FZD8: variants seen among roughly 807,000 people sequenced by gnomAD.
The protein encoded by FZD8 is frizzled class receptor 8.
FZD8 carries 18 observed loss-of-function variants against 46.0 expected under a neutral mutation model. The ratio of observed to expected loss-of-function variants is 0.39; its 90% CI spans 0.27 to 0.58. The LOEUF (loss-of-function observed/expected upper bound fraction) is 0.58. FZD8 is among the 20% of genes least tolerant of loss of function. The pLI is 0.55. For synonymous variants in FZD8, 586 were observed against 467.9 expected, an observed-to-expected ratio of 1.25 and a Z score of -3.26; for missense variants, 785 against 983.4, an observed-to-expected ratio of 0.80 and a Z score of 2.70.
chr10:35,640,719 A>T lies in FZD8; in HGVS notation c.711T>A (p.Pro237=), dbSNP rs1229948235. The change falls in exon 1 of 1, where the codon CCT becomes CCA. Residue 237 remains proline, a synonymous_variant. Coordinates refer to ENST00000374694, the MANE Select transcript of FZD8 (RefSeq NM_031866.3). ...GGCGCTCGCTGGACACGCTCACCAT[A>T]GGCGCGCGGCACTGGCACCCGGGCT... ...PCEPGCQCRA[P]MVSVSSERHP... 1.4e-6 allele frequency: 2 copies of T among 1,437,908 alleles called. No individual in the cohort carries two copies. The highest frequency in any genetic ancestry group is 2.0e-5 in the Admixed American group (1 of 49,924). 89.1% of individuals were successfully genotyped at this position (1,437,908 alleles called of 1,614,324 possible). A position where few individuals can be genotyped will look rare whatever the true frequency, so the allele number is the denominator to read the frequency against.
Position 35,639,458 on chromosome 10 carries a change from G to GC in FZD8, c.1971dup (p.Pro658AlafsTer63). 9.4e-7 allele frequency: 1 copy of GC among 1,061,054 alleles called. No individual in the cohort carries two copies. The highest frequency in any genetic ancestry group is 1.1e-6 in the Non-Finnish European group (1 of 870,652). The allele number at this position is 1,061,054 out of a possible 1,614,324, so 65.7% of individuals were successfully genotyped here. ...TAGAGGGAGCCCCCGCCGCCGCCCG[G>GC]CCCCCCGCCGCCGCCGGGTCCCCCG... On this transcript the variant is annotated frameshift_variant, in exon 1 of 1. Transcript: ENST00000374694. LOFTEE classifies it high-confidence loss of function.
chr10:35,640,184 T>A lies in FZD8; in HGVS notation c.1246A>T (p.Ile416Phe). 6.2e-7 allele frequency: 1 copy of A among 1,613,162 alleles called. No individual in the cohort carries two copies. The highest frequency in any genetic ancestry group is 8.5e-7 in the Non-Finnish European group (1 of 1,179,846). ...GCCAGGAACCATGTGAGCGACAAGATCACCCACCAGATGGAGCTGGCCATG... is the reference window on the plus strand; with the variant it reads ...GCCAGGAACCATGTGAGCGACAAGAACACCCACCAGATGGAGCTGGCCATG... ...FGMASSIWWV[I>F]LSLTWFLAAG... The change falls in exon 1 of 1, where the codon ATC becomes TTC. Residue 416 changes from isoleucine to phenylalanine, a missense_variant. Ile to Phe is a conservative substitution (Grantham distance 21, BLOSUM62 0). Around this residue, in one of 5 missense-constraint regions of FZD8, gnomAD observed 147 missense variants for 242.5 expected, o/e 0.61. Transcript: ENST00000374694.
rs2135500774 is a variant in FZD8, at chr10:35,640,377, C to G, written c.1053G>C (p.Gly351=). ...SGGAPGAGGA[G]GAGGAAAGAG... ...CGCCCGCCGCCGCGCCGCCCGCGCC[C>G]CCAGCGCCCCCCGCGCCCGGCGCGC... The change falls in exon 1 of 1, where the codon GGG becomes GGC. Residue 351 remains glycine (G), a synonymous_variant. Coordinates refer to ENST00000374694, the MANE Select transcript of FZD8 (RefSeq NM_031866.3). The G allele has an allele frequency of 5.8e-6, 6 of 1,036,808 alleles. No homozygotes were observed. Among genetic ancestry groups the G allele is most frequent in the Non-Finnish European group, 7.0e-6 (6 of 853,824 alleles). The allele number at this position is 1,036,808 out of a possible 1,614,324, so 64.2% of individuals were successfully genotyped here.
Position 35,640,327 on chromosome 10 carries a change from C to G in FZD8, c.1103G>C (p.Gly368Ala). Residue 368 changes from glycine to alanine, a missense_variant, in exon 1 of 1, where the codon GGC (glycine) becomes GCC (alanine). By Grantham distance (60) the Gly-to-Ala change is moderately conservative. Around this residue, in one of 5 missense-constraint regions of FZD8, gnomAD observed 88 missense variants for 83.6 expected, o/e 1.05. Transcript: ENST00000374694. ...GTACTCGCCGCGCCCGCCCGGGCCG[C>G]CCGCGCCCGCGCCCGCCGCGCCCGC... is the stretch of plus-strand genomic sequence containing the variant. ...AGAGAAGAGAGGPGGRGEYEE... is the reference protein window; with the variant it reads ...AGAGAAGAGAAGPGGRGEYEE... The G allele has an allele frequency of 2.9e-6, 3 of 1,026,318 alleles. No homozygotes were observed. Among genetic ancestry groups the G allele is most frequent in the Non-Finnish European group, 3.5e-6 (3 of 853,448 alleles). The allele number at this position is 1,026,318 out of a possible 1,614,324, so 63.6% of individuals were successfully genotyped here.
chr10:35,640,274 C>G lies in FZD8; in HGVS notation c.1156G>C (p.Val386Leu), dbSNP rs539148275. ...YEELGAVEQH[V>L]RYETTGPALC... ...GCGGGGCCGGTGGTCTCGTAGCGCA[C>G]GTGCTGCTCCACCGCGCCCAGCTCC... The change falls in exon 1 of 1, where the codon GTG (valine) becomes CTG (leucine). Residue 386 changes from valine (V) to leucine (L), a missense_variant. This residue lies in a region of FZD8 where 88 missense variants were observed against 83.6 expected (regional missense o/e 1.05). Transcript: ENST00000374694. 2.5e-6 allele frequency: 4 copies of G among 1,600,376 alleles called. No individual in the cohort carries two copies. Among genetic ancestry groups the G allele is most frequent in the Non-Finnish European group, 3.4e-6 (4 of 1,178,330 alleles).
In FZD8 at chr10:35,639,894, C is replaced by T. The variant is rs1290191206; in HGVS notation, c.1536G>A (p.Ser512=). 2 of 1,612,486 alleles carry T rather than the reference C, an allele frequency of 1.2e-6. No individual in the cohort carries two copies. The highest frequency in any genetic ancestry group is 8.5e-7 in the Non-Finnish European group (1 of 1,179,922). ...AGFVSLFRIR[S]VIKQQDGPTK... Reference sequence around the variant, plus strand: ...TGGGGCCGTCCTGTTGCTTGATGACCGAGCGGATGCGGAAGAGGGACACGA... The same window carrying T: ...TGGGGCCGTCCTGTTGCTTGATGACTGAGCGGATGCGGAAGAGGGACACGA... The change falls in exon 1 of 1, where the codon TCG becomes TCA. Residue 512 remains serine, a synonymous_variant. Coordinates refer to ENST00000374694, the MANE Select transcript of FZD8 (RefSeq NM_031866.3).
Position 35,641,218 on chromosome 10 carries a change from T to G in FZD8, c.212A>C (p.Gln71Pro). Residue 71 changes from glutamine to proline, a missense_variant, in exon 1 of 1, where the codon CAG becomes CCG. By Grantham distance (76) the Gln-to-Pro change is moderately conservative (BLOSUM62 -1). This residue lies in a region of FZD8 where 354 missense variants were observed against 433.2 expected (regional missense o/e 0.82). Transcript: ENST00000374694. The surrounding 1 kb of genome is among the most constrained non-coding windows in gnomAD (Gnocchi z 6.3). ...CTGGATCTCCACCAGCGGCCAGAAC[T>G]GGTGCACCTCCAGGCCCGCCTCGTC... ...TQDEAGLEVH[Q>P]FWPLVEIQCS... is the part of the protein sequence containing the mutation. 1 of 1,613,998 alleles carries G rather than the reference T, an allele frequency of 6.2e-7. No homozygotes were observed. The highest frequency in any genetic ancestry group is 8.5e-7 in the Non-Finnish European group (1 of 1,179,924).
Position 35,641,003 on chromosome 10 carries a change from TG to T in FZD8, c.426del (p.Asn143ThrfsTer14). 6.2e-7 allele frequency: 1 copy of T among 1,605,290 alleles called. No individual in the cohort carries two copies. Among genetic ancestry groups the T allele is most frequent in the South Asian group, 1.1e-5 (1 of 90,310 alleles). On this transcript the variant is annotated frameshift_variant, in exon 1 of 1. Transcript: ENST00000374694. LOFTEE classifies it high-confidence loss of function. The surrounding 1 kb of genome is among the most constrained non-coding windows in gnomAD (Gnocchi z 6.3). ...TAGTCCATGCACAGCGTGTCAGGGTTGCCTTGCTCGGGCAGCCGGTCGCAGC... is the reference window on the plus strand; with the variant it reads ...TAGTCCATGCACAGCGTGTCAGGGTTCCTTGCTCGGGCAGCCGGTCGCAGC... ...RMRCDRLPEQ[G>X]NPDTLCMDYN...
rs761014233 is a variant in FZD8 at position 35,640,155 on chromosome 10, G to A, written c.1275C>T (p.Ala425=). The change falls in exon 1 of 1, where the codon GCC becomes GCT. Residue 425 remains alanine, a synonymous_variant. Coordinates refer to ENST00000374694, the MANE Select transcript of FZD8 (RefSeq NM_031866.3). ...TGGCTTCGTTGCCCCACTTCATACC[G>A]GCCGCCAGGAACCATGTGAGCGACA... ...VILSLTWFLA[A]GMKWGNEAIA... 1 of 1,613,236 alleles carries A rather than the reference G, an allele frequency of 6.2e-7. No individual in the cohort carries two copies. The highest frequency in any genetic ancestry group is 8.5e-7 in the Non-Finnish European group (1 of 1,179,828).
chr10:35,640,730 A>G lies in FZD8; in HGVS notation c.700T>C (p.Cys234Arg). 1 of 1,395,306 alleles carries G rather than the reference A, an allele frequency of 7.2e-7. No individual in the cohort carries two copies. The highest frequency in any genetic ancestry group is 2.0e-4 in the Middle Eastern group (1 of 5,032). The allele number at this position is 1,395,306 out of a possible 1,614,324, so 86.4% of individuals were successfully genotyped here. A position where few individuals can be genotyped will look rare whatever the true frequency, so the allele number is the denominator to read the frequency against. Residue 234 changes from cysteine to arginine, a missense_variant, in exon 1 of 1, where the codon TGC becomes CGC. By Grantham distance (180) the Cys-to-Arg change is radical (BLOSUM62 -3). Transcript: ENST00000374694. ...GACACGCTCACCATAGGCGCGCGGCACTGGCACCCGGGCTCGCAGGGAGCC... is the reference window on the plus strand; with the variant it reads ...GACACGCTCACCATAGGCGCGCGGCGCTGGCACCCGGGCTCGCAGGGAGCC... ...GAAPCEPGCQCRAPMVSVSSE... is the reference protein window; with the variant it reads ...GAAPCEPGCQRRAPMVSVSSE...
In FZD8 at chr10:35,640,761, G is replaced by T; in HGVS notation, c.669C>A (p.Gly223=). 14 of 1,261,008 alleles carry T rather than the reference G, an allele frequency of 1.1e-5. No homozygotes were observed. The highest frequency in any genetic ancestry group is 1.2e-5 in the Non-Finnish European group (12 of 998,786). 78.1% of individuals were successfully genotyped at this position (1,261,008 alleles called of 1,614,324 possible). The change falls in exon 1 of 1, where the codon GGC becomes GGA. Residue 223 remains glycine, a synonymous_variant. Transcript: ENST00000374694. ...GGGGKARPPG[G]GAAPCEPGCQ... is the part of the protein sequence containing the mutation. ...ACCCGGGCTCGCAGGGAGCCGCGCC[G>T]CCGCCAGGGGGCCGCGCCTTCCCGC...
rs1564478224 is a variant in FZD8, at chr10:35,641,556, G to C, written c.-127C>G. 1 of 1,260,010 alleles carries C rather than the reference G, an allele frequency of 7.9e-7. No individual in the cohort carries two copies. The highest frequency in any genetic ancestry group is 1.1e-6 in the Non-Finnish European group (1 of 940,016). 78.1% of individuals were successfully genotyped at this position (1,260,010 alleles called of 1,614,324 possible). A position where few individuals can be genotyped will look rare whatever the true frequency, so the allele number is the denominator to read the frequency against. On this transcript the variant is annotated 5_prime_UTR_variant, in exon 1 of 1. Coordinates refer to ENST00000374694, the MANE Select transcript of FZD8 (RefSeq NM_031866.3). This position sits in a 1 kb window ranked among gnomAD's most constrained non-coding sequence, Gnocchi z 6.3. ...CTGGGGTCTCCCTTATGCTTCGCCC[G>C]GGAGGGGGGTCTGCCGATAATCTAA...
In FZD8 at chr10:35,639,734, T is replaced by G; in HGVS notation, c.1696A>C (p.Asn566His). ...HNRPRWEATHNCPCLRDLQPD... is the reference protein window; with the variant it reads ...HNRPRWEATHHCPCLRDLQPD... ...TGCAGGTCCCGCAGGCACGGGCAGT[T>G]GTGCGTGGCCTCCCAGCGCGGGCGG... The change falls in exon 1 of 1, where the codon AAC becomes CAC. Residue 566 changes from asparagine to histidine, a missense_variant. Around this residue, in one of 5 missense-constraint regions of FZD8, gnomAD observed 185 missense variants for 180.8 expected, o/e 1.02. Transcript: ENST00000374694. 6.2e-7 allele frequency: 1 copy of G among 1,600,108 alleles called. No individual in the cohort carries two copies. Among genetic ancestry groups the G allele is most frequent in the Non-Finnish European group, 8.5e-7 (1 of 1,179,726 alleles).
rs774608112 is a variant in FZD8, at chr10:35,640,127, C to A, written c.1303G>T (p.Ala435Ser). The A allele has an allele frequency of 5.0e-6, 8 of 1,612,924 alleles. 1 individual carries two copies. The Admixed American group carries it at 1.3e-4, about 27-fold the overall frequency. The change falls in exon 1 of 1, where the codon GCC (alanine) becomes TCC (serine). Residue 435 changes from alanine to serine, a missense_variant. Coordinates refer to ENST00000374694, the MANE Select transcript of FZD8 (RefSeq NM_031866.3). ...AGMKWGNEAI[A>S]GYSQYFHLAA... The stretch of plus-strand genomic sequence containing the variant: ...AGGTGGAAGTACTGCGAGTAGCCGG[C>A]GATGGCTTCGTTGCCCCACTTCATA...
At position 35,640,215 on chromosome 10, in the gene FZD8, G is replaced by T. The variant is rs754848606; in HGVS notation, c.1215C>A (p.Phe405Leu). ...LCTVVFLLVY[F>L]FGMASSIWWV... ...ACCAGATGGAGCTGGCCATGCCGAA[G>T]AAGTAGACCAGCAAGAAGACCACGG... The change falls in exon 1 of 1, where the codon TTC becomes TTA. Residue 405 changes from phenylalanine (F) to leucine (L), a missense_variant. Physicochemically the swap from Phe to Leu is conservative, Grantham distance 22 (BLOSUM62 0). Transcript: ENST00000374694. 1.2e-6 allele frequency: 2 copies of T among 1,612,572 alleles called. No individual in the cohort carries two copies. Among genetic ancestry groups the T allele is most frequent in the Non-Finnish European group, 1.7e-6 (2 of 1,179,768 alleles).
In FZD8 at chr10:35,640,994, T is replaced by C. The variant is rs559481766; in HGVS notation, c.436A>G (p.Thr146Ala). Reference sequence around the variant, plus strand: ...GTGCGGTTGTAGTCCATGCACAGCGTGTCAGGGTTGCCTTGCTCGGGCAGC... The same window carrying C: ...GTGCGGTTGTAGTCCATGCACAGCGCGTCAGGGTTGCCTTGCTCGGGCAGC... ...DRLPEQGNPDTLCMDYNRTDL... is the reference protein window; with the variant it reads ...DRLPEQGNPDALCMDYNRTDL... The change falls in exon 1 of 1, where the codon ACG becomes GCG. Residue 146 changes from threonine to alanine, a missense_variant. Physicochemically the swap from Thr to Ala is moderately conservative, Grantham distance 58. Coordinates refer to ENST00000374694, the MANE Select transcript of FZD8 (RefSeq NM_031866.3). 1.2e-6 allele frequency: 2 copies of C among 1,603,394 alleles called. No individual in the cohort carries two copies. The highest frequency in any genetic ancestry group is 2.3e-5 in the East Asian group (1 of 44,410).
At position 35,640,357 on chromosome 10, in the gene FZD8, G is replaced by GCGC; in HGVS notation, c.1072_1073insGCG (p.Ala357_Ala358insGly). 2.1e-6 allele frequency: 2 copies of GCGC among 962,164 alleles called. No homozygotes were observed. The highest frequency in any genetic ancestry group is 2.5e-6 in the Non-Finnish European group (2 of 812,186). The allele number at this position is 962,164 out of a possible 1,614,324, so 59.6% of individuals were successfully genotyped here. A position where few individuals can be genotyped will look rare whatever the true frequency, so the allele number is the denominator to read the frequency against. ...GCCCGCGCCCGCCGCGCCCGCGCCCGCCGCCGCGCCGCCCGCGCCCCCAGC... is the reference window on the plus strand; with the variant it reads ...GCCCGCGCCCGCCGCGCCCGCGCCCGCGCCCGCCGCGCCGCCCGCGCCCCCAGC... On this transcript the variant is annotated inframe_insertion, in exon 1 of 1. Transcript: ENST00000374694.
Position 35,639,698 on chromosome 10 carries a change from C to A in FZD8, c.1732G>T (p.Ala578Ser), listed in dbSNP as rs535815965. ...PCLRDLQPDQ[A>S]RRPDYAVFML... ...AAGACGGCGTAGTCGGGCCTGCGTG[C>A]CTGGTCGGGCTGCAGGTCCCGCAGG... is the stretch of plus-strand genomic sequence containing the variant. Residue 578 changes from alanine to serine, a missense_variant, in exon 1 of 1, where the codon GCA (alanine) becomes TCA (serine). Physicochemically the swap from Ala to Ser is moderately conservative, Grantham distance 99. Transcript: ENST00000374694. The A allele has an allele frequency of 1.9e-6, 3 of 1,599,486 alleles. No homozygotes were observed. In the South Asian group the frequency reaches 3.3e-5, roughly 18 times the overall value.
Position 35,641,135 on chromosome 10 carries a change from C to T in FZD8, c.295G>A (p.Asp99Asn), listed in dbSNP as rs547818608. ...CAGGGCGGCAGCGGCTTCTTGTAGTCCTCTAGGCAGATGGGCGTGTACATG... is the reference window on the plus strand; with the variant it reads ...CAGGGCGGCAGCGGCTTCTTGTAGTTCTCTAGGCAGATGGGCGTGTACATG... ...CSMYTPICLE[D>N]YKKPLPPCRS... The change falls in exon 1 of 1, where the codon GAC becomes AAC. Residue 99 changes from aspartate to asparagine, a missense_variant. Physicochemically the swap from Asp to Asn is conservative, Grantham distance 23. Transcript: ENST00000374694. This position sits in a 1 kb window ranked among gnomAD's most constrained non-coding sequence, Gnocchi z 6.3. The T allele has an allele frequency of 1.1e-5, 18 of 1,613,186 alleles. No individual in the cohort carries two copies. The highest frequency in any genetic ancestry group is 8.3e-5 in the Admixed American group (5 of 59,994).
Sources: allele counts gnomAD v4.1 joint callset, GRCh38; gene constraint gnomAD v4.1.1; regional missense constraint gnomAD v4.1.1; non-coding constraint Gnocchi (gnomAD v3.1); transcripts MANE v1.5; gene names NCBI Gene and HGNC (gene_info 2026-07-23, HGNC 2026-07-21).